The following CSN2 variants were observed in gnomAD, a reference collection of about 807,000 sequenced individuals.
The protein encoded by CSN2 is casein beta, also known as beta-casein.
Under a neutral mutation model 27.3 loss-of-function variants are expected in CSN2, and 27 were observed. The ratio of observed to expected loss-of-function variants is 0.99; its 90% CI spans 0.73 to 1.36. CSN2 has a LOEUF of 1.36. Ranked by LOEUF, CSN2 falls within the 40% of genes most tolerant of loss-of-function variation. The pLI, the probability that CSN2 is intolerant of heterozygous loss-of-function variation, is 0.00. For missense variants in CSN2, 333 were observed against 264.5 expected, an observed-to-expected ratio of 1.26 and a Z score of -1.80; for synonymous variants, 131 against 94.8, an observed-to-expected ratio of 1.38 and a Z score of -2.22.
At chr4:69,956,280 T>C (rs1723392848) in intron 7 of CSN2, 34 bp downstream of exon 7, 3 of 1,319,724 alleles carry the variant, frequency 2.3e-6, no homozygotes, top group Non-Finnish European at 3.0e-6. Context: ...TGTATAAAAA[T>C]GATCAATTAA....
intron 1 of CSN2, among the ~76,000 whole-genome samples, chr4:69,963,001 G>A (rs1723657887): frequency 6.6e-6 from 1 of 152,110 alleles, no homozygotes; most frequent in Non-Finnish European, 1.5e-5. Flanking sequence ...ATCATCACTG[G>A]CCATCAGAGA....
chr4:69,963,655 G>A (rs944564817), intron 1 of CSN2, among the ~76,000 whole-genome samples: 1 of 152,118 alleles, frequency 6.6e-6, no homozygotes, highest in Non-Finnish European at 1.5e-5. Flanking sequence ...GTTAATGGGT[G>A]CAGCACACCA....
chr4:69,963,259 T>C (rs1449088951), intron 1 of CSN2, among the ~76,000 whole-genome samples: 1 of 151,964 alleles, frequency 6.6e-6, no homozygotes, highest in African/African-American at 2.4e-5. Context: ...GGATTATAAA[T>C]CATGCTGCTA....
chr4:69,956,349 C>A lies in CSN2; in HGVS notation c.*1G>T. On this transcript the variant is annotated 3_prime_UTR_variant, in exon 7 of 8. Transcript: ENST00000353151. ...GAGGGAAAATTAACTTTGAAATCTT[C>A]TTAGACCTTAAAAATAAACAGATAC... 1 of 1,415,934 alleles carries A rather than the reference C, an allele frequency of 7.1e-7. No homozygotes were observed. The highest frequency in any genetic ancestry group is 1.6e-5 in the South Asian group (1 of 62,296). 87.7% of individuals were successfully genotyped at this position (1,415,934 alleles called of 1,614,324 possible).
chr4:69,956,167 A>G, intron 7 of CSN2, 147 bp downstream of exon 7: 4 of 402,894 alleles, frequency 9.9e-6, no homozygotes, highest in Non-Finnish European at 1.7e-5. Context: ...TCAGTAAATG[A>G]TAGTCAACCA....
intron 5 of CSN2, among the ~76,000 whole-genome samples, chr4:69,958,188 A>C (rs1237847472): frequency 6.6e-6 from 1 of 152,160 alleles, no homozygotes; most frequent in South Asian, 2.1e-4. Context: ...CAGTGAAAAG[A>C]GATCAGTTTA....
Position 69,959,065 on chromosome 4 carries a change from G to T in CSN2, c.83C>A (p.Ser28Tyr). The T allele has an allele frequency of 7.4e-7, 1 of 1,352,188 alleles. No homozygotes were observed. The highest frequency in any genetic ancestry group is 1.3e-5 in the South Asian group (1 of 74,950). 83.8% of individuals were successfully genotyped at this position (1,352,188 alleles called of 1,614,324 possible). A position where few individuals can be genotyped will look rare whatever the true frequency, so the allele number is the denominator to read the frequency against. The change falls in exon 4 of 8, where the codon TCT (serine) becomes TAT (tyrosine). Residue 28 changes from serine to tyrosine, a missense_variant. Transcript: ENST00000353151. ...TIESLSSSEESITEYKQKVEK... is the reference protein window; with the variant it reads ...TIESLSSSEEYITEYKQKVEK... ...AAAATTTACCTTGTATTCTGTAATA[G>T]ATTCCTACAGAAAAATATAAAATAA... is the stretch of plus-strand genomic sequence containing the variant.
rs376021496 is a variant in CSN2, at chr4:69,957,395, G to A, written c.554C>T (p.Pro185Leu). 6 of 1,613,474 alleles carry A rather than the reference G, an allele frequency of 3.7e-6. No individual in the cohort carries two copies. In the African/African-American group the frequency reaches 8.0e-5, roughly 22 times the overall value. Residue 185 changes from proline (P) to leucine (L), a missense_variant, in exon 6 of 8, where the codon CCC becomes CTC. Coordinates refer to ENST00000353151, the MANE Select transcript of CSN2 (RefSeq NM_001891.4). ...AACAGGCACAGCTCTCTGAGGGTAG[G>A]GCACCACTTGCTGGGGGATAGGCAG... ...KVLPIPQQVV[P>L]YPQRAVPVQA...
At position 69,960,083 on chromosome 4, in the gene CSN2, T is replaced by TG. The variant is rs900021936; in HGVS notation, c.52-5dup. The TG allele has an allele frequency of 6.2e-6, 10 of 1,610,900 alleles. No homozygotes were observed. The highest frequency in any genetic ancestry group is 1.3e-5 in the African/African-American group (1 of 74,700). Reference sequence around the variant, plus strand: ...TGCTTGAAAGGCTTTCTATGGTCTGTGGGAAAAAAAAATTGACAACCAGCT... The same window carrying TG: ...TGCTTGAAAGGCTTTCTATGGTCTGTGGGGAAAAAAAAATTGACAACCAGCT... On this transcript the variant is annotated splice_region_variant and splice_polypyrimidine_tract_variant and intron_variant, in intron 2 of 7. Transcript: ENST00000353151.
intron 1 of CSN2, among the ~76,000 whole-genome samples, chr4:69,963,368 A>C (rs1319592099): frequency 6.6e-6 from 1 of 152,214 alleles, no homozygotes; most frequent in East Asian, 1.9e-4. Context: ...TGGATTAAGA[A>C]AATGTGGCAC....
chr4:69,957,117 A>G (rs575707426), intron 6 of CSN2, among the ~76,000 whole-genome samples, 157 bp downstream of exon 6: 121 of 152,304 alleles, frequency 7.9e-4, no homozygotes, highest in Middle Eastern at 3.4e-3. Context: ...ACTAACCTGC[A>G]TGTTGTGCAC....
intron 7 of CSN2, among the ~76,000 whole-genome samples, chr4:69,955,877 C>A (rs1329246528): frequency 6.6e-6 from 1 of 151,982 alleles, no homozygotes; most frequent in Admixed American, 6.6e-5. Context: ...TTAACCTTTA[C>A]ACTTGGAGTA....
intron 1 of CSN2, among the ~76,000 whole-genome samples, chr4:69,963,487 CA>C (rs1181094027): frequency 1.3e-5 from 2 of 148,694 alleles, no homozygotes; most frequent in South Asian, 2.1e-4. Flanking sequence ...ATCGCAAGGA[CA>C]AAAAAACCAA....
At chr4:69,956,824 G>C (rs563439934) in intron 6 of CSN2, among the ~76,000 whole-genome samples, 1 of 151,968 alleles carries the variant, frequency 6.6e-6, no homozygotes. Context: ...TCAACACTCA[G>C]TTTCCTCTAC....
intron 7 of CSN2, 48 bp downstream of exon 7, chr4:69,956,266 A>T: frequency 8.1e-7 from 1 of 1,231,996 alleles, no homozygotes; most frequent in African/African-American, 1.6e-5. Flanking sequence ...GTAAAAAGAC[A>T]TCATGTATAA....
At chr4:69,964,617 C>T (rs899926945) in intron 1 of CSN2, among the ~76,000 whole-genome samples, 6 of 151,316 alleles carry the variant, frequency 4.0e-5, no homozygotes, top group African/African-American at 1.5e-4. Context: ...CCTAAGACCA[C>T]TATAAGTTCC....
At chr4:69,965,449 TA>T (rs1419413759) in intron 1 of CSN2, among the ~76,000 whole-genome samples, 1 of 141,758 alleles carries the variant, frequency 7.1e-6, no homozygotes, top group East Asian at 2.1e-4. Flanking sequence ...TATATATGCA[TA>T]AAATTAGCTA....
chr4:69,964,923 G>A (rs1723747921), intron 1 of CSN2, among the ~76,000 whole-genome samples: 1 of 151,056 alleles, frequency 6.6e-6, no homozygotes, highest in African/African-American at 2.4e-5. Flanking sequence ...TTTTAAGCCA[G>A]AGCTTCATTA....
rs756206077 is a variant in CSN2 at position 69,965,408 on chromosome 4, CTATATATATATATA to C, written c.-13+259_-13+272del. The stretch of plus-strand genomic sequence containing the variant: ...ATATTAACTATGAACTAGCCTCATA[CTATATATATATATA>C]TATATATATATATATATATATATGC... On this transcript the variant is annotated intron_variant, in intron 1 of 7. Coordinates refer to ENST00000353151, the MANE Select transcript of CSN2 (RefSeq NM_001891.4). Among the ~76,000 whole-genome samples the C allele has an allele frequency of 1.0e-3, 88 of 88,102 alleles. 1 individual carries two copies. Among genetic ancestry groups the C allele is most frequent in the East Asian group, 3.8e-3 (11 of 2,894 alleles). The allele number at this position is 88,102 out of a possible 152,430, so 57.8% of individuals were successfully genotyped here.
Sources: gnomAD v4.1 joint callset for allele counts (sites outside exome capture counted in the v4.1 genomes callset) on GRCh38, gnomAD v4.1.1 for gene constraint, MANE v1.5 for transcripts, NCBI Gene and HGNC (gene_info 2026-07-23, HGNC 2026-07-21) for gene names.